Variants in SGMS1 observed in about 807,000 individuals in gnomAD.
SGMS1 encodes sphingomyelin synthase 1.
A neutral mutation model predicts 46.2 loss-of-function variants in SGMS1; 13 were observed. The observed-to-expected ratio is 0.28, with a 90% CI of 0.18 to 0.45. The LOEUF (loss-of-function observed/expected upper bound fraction) is 0.45, where lower values mean the gene tolerates loss of function less well. SGMS1 is among the 20% of genes least tolerant of loss of function. SGMS1 has a pLI of 1.00. For synonymous variants in SGMS1, 203 were observed against 187.8 expected (o/e 1.08, Z -0.66); for missense variants, 324 against 519.9 (o/e 0.62, Z 3.66).
rs1491469065 is a variant in SGMS1 at position 50,574,961 on chromosome 10, G to GTATA, written c.-589+15191_-589+15192insTATA. On this transcript the variant is annotated intron_variant, in intron 2 of 10. Coordinates refer to ENST00000361781, the MANE Select transcript of SGMS1 (RefSeq NM_147156.4). ...ATAAACATTTTAAAAGGAAAATGTG[G>GTATA]TGTATATATATATATATATATATAA... Among the ~76,000 whole-genome samples the GTATA allele has an allele frequency of 3.7e-3, 167 of 45,276 alleles. 4 individuals are homozygous for GTATA. The highest frequency in any genetic ancestry group is 0.018 in the Middle Eastern group (2 of 110). The allele number at this position is 45,276 out of a possible 152,430, so 29.7% of individuals were successfully genotyped here.
At position 50,343,640 on chromosome 10, in the gene SGMS1, G is replaced by T. The variant is rs745835428; in HGVS notation, c.475C>A (p.Arg159=). 3.7e-6 allele frequency: 6 copies of T among 1,606,476 alleles called. No individual in the cohort carries two copies. The highest frequency in any genetic ancestry group is 1.4e-5 in the African/African-American group (1 of 72,424). The change falls in exon 7 of 11, where the codon CGA becomes AGA. Residue 159 remains arginine, a synonymous_variant. Coordinates refer to ENST00000361781, the MANE Select transcript of SGMS1 (RefSeq NM_147156.4). ...GGCTGCACCTCCTTAGGAGGTACTC[G>T]TTCGTGGACGACCGAGATCATCACT... ...TTVMISVVHE[R]VPPKEVQPPL... is the part of the protein sequence containing the mutation.
intron 5 of SGMS1, among the ~76,000 whole-genome samples, chr10:50,443,034 T>C (rs1849564843): frequency 6.6e-6 from 1 of 152,170 alleles, no homozygotes; most frequent in African/African-American, 2.4e-5. Flanking sequence ...TGAGCAAAAA[T>C]TTCAAAATAG....
intron 5 of SGMS1, among the ~76,000 whole-genome samples, chr10:50,458,357 T>C (rs1837220527): frequency 7.6e-6 from 1 of 131,148 alleles, no homozygotes; most frequent in African/African-American, 2.8e-5. Context: ...TTTTTTTTTT[T>C]TTTTTTTTTT....
Position 50,308,007 on chromosome 10 carries a change from C to A in SGMS1, c.1037G>T (p.Trp346Leu). 6.2e-7 allele frequency: 1 copy of A among 1,613,866 alleles called. No homozygotes were observed. The highest frequency in any genetic ancestry group is 8.5e-7 in the Non-Finnish European group (1 of 1,179,908). The change falls in exon 10 of 11, where the codon TGG (tryptophan) becomes TTG (leucine). Residue 346 changes from tryptophan to leucine, a missense_variant. Physicochemically the swap from Trp to Leu is moderately conservative, Grantham distance 61. Coordinates refer to ENST00000361781, the MANE Select transcript of SGMS1 (RefSeq NM_147156.4). ...AYYITTRLFW[W>L]YHTMANQQVL... The stretch of plus-strand genomic sequence containing the variant: ...TTGCTGATTGGCCATAGTGTGATAC[C>A]ACCAGAAGAGTCTCGTGGTGATGTA...
At chr10:50,446,949 C>T (rs749395862) in intron 5 of SGMS1, among the ~76,000 whole-genome samples, 1 of 152,172 alleles carries the variant, frequency 6.6e-6, no homozygotes, top group Non-Finnish European at 1.5e-5. Flanking sequence ...GGAACAACTT[C>T]TAAAGCCTCA....
intron 5 of SGMS1, among the ~76,000 whole-genome samples, chr10:50,458,797 T>G (rs1837229067): frequency 6.6e-6 from 1 of 152,176 alleles, no homozygotes; most frequent in African/African-American, 2.4e-5. Flanking sequence ...AGTATGTACA[T>G]CTACTAATTT....
chr10:50,459,110 G>A (rs1180932001), intron 5 of SGMS1, among the ~76,000 whole-genome samples: 13 of 151,956 alleles, frequency 8.6e-5, no homozygotes, highest in Non-Finnish European at 1.5e-5. Context: ...TGTACTAGTA[G>A]GACCATATTA....
intron 9 of SGMS1, among the ~76,000 whole-genome samples, chr10:50,308,642 T>C (rs1468575098): frequency 6.6e-6 from 1 of 152,078 alleles, no homozygotes; most frequent in Non-Finnish European, 1.5e-5. Context: ...TTTTCATTTC[T>C]CAAATACAAG....
At chr10:50,374,331 T>A (rs1295587173) in intron 6 of SGMS1, among the ~76,000 whole-genome samples, 5 of 152,072 alleles carry the variant, frequency 3.3e-5, no homozygotes. Context: ...CTGCATGCCT[T>A]CTTCAGCTTA....
At chr10:50,523,484 C>T (rs1310100403) in intron 2 of SGMS1, among the ~76,000 whole-genome samples, 1 of 152,168 alleles carries the variant, frequency 6.6e-6, no homozygotes, top group African/African-American at 2.4e-5. Context: ...AAAAAGCTCA[C>T]TTCAGATAGC....
chr10:50,489,686 A>T (rs919653253), intron 3 of SGMS1, among the ~76,000 whole-genome samples: 2 of 152,228 alleles, frequency 1.3e-5, no homozygotes, highest in Non-Finnish European at 1.5e-5. Flanking sequence ...TTAAAAAATA[A>T]ACATGGTGGC....
In SGMS1 at chr10:50,436,053, A is replaced by C. The variant is rs572095768; in HGVS notation, c.-312-2497T>G. ...CAAAGAATCAAATTCATCCTCAAAG[A>C]TGGTAATTTAGCACCACTGTGGTTA... On this transcript the variant is annotated intron_variant, in intron 5 of 10. Coordinates refer to ENST00000361781, the MANE Select transcript of SGMS1 (RefSeq NM_147156.4). Among the ~76,000 whole-genome samples, 8 of 152,350 alleles carry C rather than the reference A, an allele frequency of 5.3e-5. No individual in the cohort carries two copies. In the East Asian group the frequency reaches 1.5e-3, roughly 29 times the overall value.
intron 5 of SGMS1, among the ~76,000 whole-genome samples, chr10:50,434,351 G>C (rs1360054194): frequency 6.6e-6 from 1 of 152,164 alleles, no homozygotes; most frequent in Non-Finnish European, 1.5e-5. Flanking sequence ...GTTATGTGAA[G>C]AACGTGTGGC....
At chr10:50,614,373 T>G (rs1838777971) in intron 1 of SGMS1, among the ~76,000 whole-genome samples, 1 of 152,212 alleles carries the variant, frequency 6.6e-6, no homozygotes, top group Admixed American at 6.5e-5. Flanking sequence ...GAGTTCAGTT[T>G]TTATTTCATG....
rs572436786 is a variant in SGMS1 at position 50,442,162 on chromosome 10, A to G, written c.-312-8606T>C. 3.3e-5 allele frequency among the ~76,000 whole-genome samples: 5 copies of G among 151,320 alleles called. No individual in the cohort carries two copies. The South Asian group carries it at 1.0e-3, about 32-fold the overall frequency. On this transcript the variant is annotated intron_variant, in intron 5 of 10. Transcript: ENST00000361781. Reference sequence around the variant, plus strand: ...AAAACAAAAGGGCGTTCATTCAATAATACTGACTTTTTCTGCTGTAGATTT... The same window carrying G: ...AAAACAAAAGGGCGTTCATTCAATAGTACTGACTTTTTCTGCTGTAGATTT...
intron 1 of SGMS1, among the ~76,000 whole-genome samples, chr10:50,614,185 A>G (rs1838775882): frequency 6.6e-6 from 1 of 151,618 alleles, no homozygotes. Context: ...CTAAGATGGG[A>G]TGTAATGATG....
chr10:50,410,572 G>A (rs561168494), intron 6 of SGMS1, among the ~76,000 whole-genome samples: 1 of 152,284 alleles, frequency 6.6e-6, no homozygotes, highest in African/African-American at 2.4e-5. Flanking sequence ...CCATGAGAAG[G>A]ATGCATAGTG....
chr10:50,616,932 CCTAA>C (rs1458005386), intron 1 of SGMS1, among the ~76,000 whole-genome samples: 1 of 152,158 alleles, frequency 6.6e-6, no homozygotes, highest in Non-Finnish European at 1.5e-5. Context: ...ATCACACTTT[CCTAA>C]CTTTGTTGAG....
chr10:50,443,938 C>A (rs1849577058), intron 5 of SGMS1, among the ~76,000 whole-genome samples: 1 of 151,856 alleles, frequency 6.6e-6, no homozygotes, highest in Non-Finnish European at 1.5e-5. Context: ...CATATTAATT[C>A]AAGGAAAATT....
Sources: allele counts gnomAD v4.1 joint callset (sites outside exome capture counted in the v4.1 genomes callset), GRCh38; gene constraint gnomAD v4.1.1; transcripts MANE v1.5; gene names NCBI Gene and HGNC (gene_info 2026-07-23, HGNC 2026-07-21).